The following APCDD1L variants were observed in gnomAD, a reference collection of about 807,000 sequenced individuals.
APCDD1L encodes the protein protein APCDD1-like.
APCDD1L carries 21 observed loss-of-function variants against 24.2 expected under a neutral mutation model. The ratio of observed to expected loss-of-function variants is 0.87; its 90% CI spans 0.61 to 1.25. The LOEUF (loss-of-function observed/expected upper bound fraction) is 1.25. Ranked by LOEUF, APCDD1L falls within the 50% of genes most tolerant of loss-of-function variation. The pLI is 0.00. For synonymous variants in APCDD1L, 321 were observed against 323.6 expected, an observed-to-expected ratio of 0.99 and a Z score of 0.09; for missense variants, 704 against 711.7, an observed-to-expected ratio of 0.99 and a Z score of 0.12.
At chr20:58,478,603 A>G (rs548825021) in intron 1 of APCDD1L, among the ~76,000 whole-genome samples, 2 of 152,266 alleles carry the variant, frequency 1.3e-5, no homozygotes, top group South Asian at 4.1e-4. Context: ...TGCTTAGGAC[A>G]ATGCCTTCAT....
chr20:58,491,848 A>G (rs981656607), intron 1 of APCDD1L, among the ~76,000 whole-genome samples: 2 of 152,248 alleles, frequency 1.3e-5, no homozygotes, highest in Non-Finnish European at 2.9e-5. Context: ...TAACTGTAGC[A>G]TTGTATATTC....
intron 1 of APCDD1L, among the ~76,000 whole-genome samples, chr20:58,477,168 C>T (rs533906053): frequency 6.6e-6 from 1 of 152,332 alleles, no homozygotes; most frequent in Admixed American, 6.5e-5. Flanking sequence ...GTGCAATGAT[C>T]AGAACCAGGA....
Position 58,514,836 on chromosome 20 carries a change from G to T in APCDD1L, c.-129C>A. ...GGAGTCCTGCGAAGAAGTTGCGAGG[G>T]TCCTGCGCCCCCCTCGGCGCTCACA... On this transcript the variant is annotated 5_prime_UTR_variant, in exon 1 of 4. Coordinates refer to ENST00000371149, the MANE Select transcript of APCDD1L (RefSeq NM_153360.3). 1.5e-6 allele frequency: 1 copy of T among 661,962 alleles called. No homozygotes were observed. The highest frequency in any genetic ancestry group is 2.2e-6 in the Non-Finnish European group (1 of 460,846). 41.0% of individuals were successfully genotyped at this position (661,962 alleles called of 1,614,324 possible).
chr20:58,461,128 C>T lies in APCDD1L; in HGVS notation c.1168G>A (p.Glu390Lys), dbSNP rs775898831. ...GGAGAWSMGT[E>K]RDVTATNGCL... ...CCGTTGGTGGCTGTGACATCCCGCT[C>T]AGTGCCCATGGACCAGGCCCCCGCA... The change falls in exon 4 of 4, where the codon GAG becomes AAG. Residue 390 changes from glutamate to lysine, a missense_variant. Glu to Lys is a moderately conservative substitution (Grantham distance 56). Transcript: ENST00000371149. This position sits in a 1 kb window ranked among gnomAD's most constrained non-coding sequence, Gnocchi z 6.0. 1.5e-5 allele frequency: 25 copies of T among 1,613,626 alleles called. No homozygotes were observed. Among genetic ancestry groups the T allele is most frequent in the South Asian group, 4.4e-5 (4 of 91,070 alleles).
rs1474131616 is a variant in APCDD1L, at chr20:58,461,106, T to C, written c.1190A>G (p.Asn397Ser). 1 of 1,613,796 alleles carries C rather than the reference T, an allele frequency of 6.2e-7. No individual in the cohort carries two copies. ...MGTERDVTAT[N>S]GCLPLGIRLP... ...CCGGATGCCCAGCGGTAGGCAGCCG[T>C]TGGTGGCTGTGACATCCCGCTCAGT... The change falls in exon 4 of 4, where the codon AAC becomes AGC. Residue 397 changes from asparagine to serine, a missense_variant. By Grantham distance (46) the Asn-to-Ser change is conservative. Transcript: ENST00000371149. This position sits in a 1 kb window ranked among gnomAD's most constrained non-coding sequence, Gnocchi z 6.0.
chr20:58,473,568 C>T (rs1031186765), intron 1 of APCDD1L, among the ~76,000 whole-genome samples: 1 of 149,644 alleles, frequency 6.7e-6, no homozygotes, highest in Non-Finnish European at 1.5e-5. Flanking sequence ...TCCAACATAG[C>T]TCTTGGGGTA....
intron 1 of APCDD1L, among the ~76,000 whole-genome samples, chr20:58,495,849 C>T (rs1300943479): frequency 3.3e-5 from 5 of 152,144 alleles, no homozygotes; most frequent in East Asian, 1.9e-4. Flanking sequence ...CTTGTCTCCC[C>T]AGCTGCTGCC....
chr20:58,471,922 TG>T (rs1989818429), intron 1 of APCDD1L, among the ~76,000 whole-genome samples: 1 of 151,924 alleles, frequency 6.6e-6, no homozygotes, highest in Admixed American at 6.6e-5. Flanking sequence ...CCAGGGGATG[TG>T]GGGGCCTGGC....
rs1049221154 is a variant in APCDD1L at position 58,514,563 on chromosome 20, GC to G, written c.49+95del. ...TAGCAGCCGCGTGGGCCGACCCAGGGCCGTAGTCCCCAAGGGCCCTTAGGGG... is the reference window on the plus strand; with the variant it reads ...TAGCAGCCGCGTGGGCCGACCCAGGGCGTAGTCCCCAAGGGCCCTTAGGGG... On this transcript the variant is annotated intron_variant, in intron 1 of 3. Coordinates refer to ENST00000371149, the MANE Select transcript of APCDD1L (RefSeq NM_153360.3). 4.3e-6 allele frequency: 5 copies of G among 1,175,216 alleles called. No homozygotes were observed. The African/African-American group carries it at 7.9e-5, about 19-fold the overall frequency. 72.8% of individuals were successfully genotyped at this position (1,175,216 alleles called of 1,614,324 possible).
chr20:58,496,246 C>T (rs560667608), intron 1 of APCDD1L, among the ~76,000 whole-genome samples: 17 of 152,308 alleles, frequency 1.1e-4, no homozygotes, highest in African/African-American at 2.4e-4. Flanking sequence ...CAGAGGGGCT[C>T]GCAGTGGGCA....
chr20:58,462,307 A>T (rs1989624266), intron 3 of APCDD1L, among the ~76,000 whole-genome samples: 1 of 152,142 alleles, frequency 6.6e-6, no homozygotes, highest in Non-Finnish European at 1.5e-5. Context: ...GCTGAGACCC[A>T]GAGGGCCGGC....
intron 1 of APCDD1L, among the ~76,000 whole-genome samples, chr20:58,491,045 G>A (rs527784743): frequency 2.2e-4 from 33 of 152,320 alleles, no homozygotes; most frequent in African/African-American, 7.5e-4. Flanking sequence ...TGCAGAAAAT[G>A]CATTTGATAA....
chr20:58,512,358 T>C (rs1464213232), intron 1 of APCDD1L, among the ~76,000 whole-genome samples: 1 of 152,222 alleles, frequency 6.6e-6, no homozygotes, highest in Non-Finnish European at 1.5e-5. Flanking sequence ...GATTCTCAAC[T>C]GGGGGCCACT....
At position 58,508,540 on chromosome 20, in the gene APCDD1L, G is replaced by A. The variant is rs991074418; in HGVS notation, c.49+6119C>T. ...TAGATGTTGGCATTGGTGGTGGGGG[G>A]AAGAGATGAGGACAATGGAGCAGAG... is the stretch of plus-strand genomic sequence containing the variant. On this transcript the variant is annotated intron_variant, in intron 1 of 3. Transcript: ENST00000371149. The surrounding 1 kb of genome is among the most constrained non-coding windows in gnomAD (Gnocchi z 4.0). Among the ~76,000 whole-genome samples, 3 of 152,208 alleles carry A rather than the reference G, an allele frequency of 2.0e-5. No homozygotes were observed. Among genetic ancestry groups the A allele is most frequent in the Non-Finnish European group, 2.9e-5 (2 of 68,042 alleles).
At chr20:58,472,999 G>A (rs914431185) in intron 1 of APCDD1L, among the ~76,000 whole-genome samples, 17 of 152,178 alleles carry the variant, frequency 1.1e-4, no homozygotes, top group Admixed American at 9.8e-4. Context: ...CAATTCTGCA[G>A]GTTAATTTGA....
At chr20:58,484,476 T>C (rs1376558457) in intron 1 of APCDD1L, among the ~76,000 whole-genome samples, 2 of 151,358 alleles carry the variant, frequency 1.3e-5, no homozygotes, top group Non-Finnish European at 2.9e-5. Flanking sequence ...CTTTCTAGGC[T>C]TTTTTTTTCT....
intron 1 of APCDD1L, among the ~76,000 whole-genome samples, chr20:58,511,463 A>G (rs1227088205): frequency 1.3e-5 from 2 of 152,196 alleles, no homozygotes; most frequent in Non-Finnish European, 2.9e-5. Flanking sequence ...TTGCAAAAAT[A>G]TTTCTTCACG....
chr20:58,509,769 G>A (rs1041634127), intron 1 of APCDD1L, among the ~76,000 whole-genome samples: 6 of 152,208 alleles, frequency 3.9e-5, no homozygotes, highest in African/African-American at 7.2e-5. Context: ...AGTGCTACTC[G>A]CATCATCCAG....
intron 3 of APCDD1L, among the ~76,000 whole-genome samples, chr20:58,463,024 A>C (rs6026287): frequency 0.18 from 27,217 of 150,760 alleles, 3,428 homozygotes; most frequent in African/African-American, 0.35. Context: ...TGCCTGTGAT[A>C]CTAGCTACTC....
Sources: gnomAD v4.1 joint callset for allele counts (sites outside exome capture counted in the v4.1 genomes callset) on GRCh38, gnomAD v4.1.1 for gene constraint, Gnocchi (gnomAD v3.1) non-coding constraint, MANE v1.5 for transcripts, NCBI Gene and HGNC (gene_info 2026-07-23, HGNC 2026-07-21) for gene names.